The following GRIP1 variants were observed in gnomAD, a reference collection of about 807,000 sequenced individuals.
GRIP1 encodes the protein glutamate receptor-interacting protein 1.
A neutral mutation model predicts 129.9 loss-of-function variants in GRIP1; 45 were observed. The ratio of observed to expected loss-of-function variants is 0.35; its 90% CI spans 0.27 to 0.44. The LOEUF (loss-of-function observed/expected upper bound fraction) is 0.44. GRIP1 is among the 20% of genes least tolerant of loss of function. The pLI, the probability that GRIP1 is intolerant of heterozygous loss-of-function variation, is 1.00. For missense variants in GRIP1, 1,196 were observed against 1,396.8 expected (o/e 0.86, Z 2.29); for synonymous variants, 530 against 520.8 (o/e 1.02, Z -0.24).
intron 2 of GRIP1, among the ~76,000 whole-genome samples, chr12:66,569,622 C>T (rs1371430269): frequency 6.6e-6 from 1 of 152,188 alleles, no homozygotes; most frequent in Non-Finnish European, 1.5e-5. Context: ...CACCAGGGAC[C>T]ATGGGACTCA....
At chr12:66,584,152 G>T (rs971484355) in intron 2 of GRIP1, among the ~76,000 whole-genome samples, 18 of 149,268 alleles carry the variant, frequency 1.2e-4, no homozygotes, top group Admixed American at 6.8e-4. Flanking sequence ...GTAAACTATC[G>T]CAAGAACAAA....
chr12:66,585,117 T>C (rs1044778571), intron 2 of GRIP1, among the ~76,000 whole-genome samples: 1 of 151,456 alleles, frequency 6.6e-6, no homozygotes, highest in East Asian at 1.9e-4. Flanking sequence ...TTTTTTTTAT[T>C]ATACTTTAAG....
At chr12:66,420,939 A>C in intron 14 of GRIP1, 150 bp from the exon 15 acceptor site, 1 of 605,046 alleles carries the variant, frequency 1.7e-6, no homozygotes, top group Admixed American at 2.9e-5. Flanking sequence ...TATGCACATT[A>C]TGTCTTTACA....
rs1345417312 is a variant in GRIP1, at chr12:66,902,410, G to A, written c.58+166640C>T. Among the ~76,000 whole-genome samples the A allele has an allele frequency of 4.6e-5, 7 of 152,092 alleles. No individual in the cohort carries two copies. The East Asian group carries it at 1.3e-3, about 29-fold the overall frequency. ...ACCTCCAAGAAATAGCTGGCCTGAG[G>A]GATGGTTTCAGGCAAAGATTCTGGG... On this transcript the variant is annotated intron_variant, in intron 1 of 1. Transcript: ENST00000643019.
At chr12:66,956,303 G>A (rs1304027279) in intron 1 of GRIP1, among the ~76,000 whole-genome samples, 1 of 152,096 alleles carries the variant, frequency 6.6e-6, no homozygotes, top group Non-Finnish European at 1.5e-5. Context: ...TGGGGTTTTC[G>A]CTGTTGCTAT....
chr12:67,002,291 C>G (rs987965033), intron 1 of GRIP1, among the ~76,000 whole-genome samples: 3 of 152,150 alleles, frequency 2.0e-5, no homozygotes, highest in Non-Finnish European at 2.9e-5. Context: ...TGAAGACAAC[C>G]TGAAGCAACA....
intron 2 of GRIP1, among the ~76,000 whole-genome samples, chr12:66,589,946 A>G (rs2063791978): frequency 6.6e-6 from 1 of 152,130 alleles, no homozygotes; most frequent in Non-Finnish European, 1.5e-5. Flanking sequence ...TTCTGAAGTC[A>G]CCTACAACCC....
intron 2 of GRIP1, among the ~76,000 whole-genome samples, chr12:66,591,795 G>C (rs1018938239): frequency 1.3e-5 from 2 of 151,726 alleles, no homozygotes; most frequent in Non-Finnish European, 2.9e-5. Context: ...ATCCCCAGCT[G>C]ATTTTTGCAT....
At chr12:66,770,913 G>C (rs2037797679) in intron 1 of GRIP1, among the ~76,000 whole-genome samples, 1 of 152,052 alleles carries the variant, frequency 6.6e-6, no homozygotes, top group African/African-American at 2.4e-5. Context: ...GGCCAACATG[G>C]TGAAACTCCA....
chr12:66,816,993 A>G (rs1014402654), intron 1 of GRIP1, among the ~76,000 whole-genome samples: 4 of 152,128 alleles, frequency 2.6e-5, no homozygotes, highest in Admixed American at 6.6e-5. Flanking sequence ...AGTATTCGCA[A>G]AAGACGATTC....
chr12:66,697,212 T>A (rs1459741680), intron 1 of GRIP1, among the ~76,000 whole-genome samples: 2 of 152,194 alleles, frequency 1.3e-5, no homozygotes, highest in Non-Finnish European at 2.9e-5. Context: ...AGACCAATTT[T>A]CCTTCTCTCC....
At chr12:66,768,776 C>T (rs1294329061) in intron 1 of GRIP1, among the ~76,000 whole-genome samples, 1 of 152,164 alleles carries the variant, frequency 6.6e-6, no homozygotes, top group African/African-American at 2.4e-5. Context: ...TAGTTTTTCA[C>T]ATAACAGGGT....
At chr12:66,886,818 G>A (rs1592930065) in intron 1 of GRIP1, among the ~76,000 whole-genome samples, 1 of 152,118 alleles carries the variant, frequency 6.6e-6, no homozygotes, top group African/African-American at 2.4e-5. Flanking sequence ...CAACAATACC[G>A]TGAAGAAGTG....
At chr12:66,718,059 T>C (rs2035947060) in intron 1 of GRIP1, among the ~76,000 whole-genome samples, 1 of 152,120 alleles carries the variant, frequency 6.6e-6, no homozygotes, top group Non-Finnish European at 1.5e-5. Flanking sequence ...CATTATACTT[T>C]GGAGATTGCC....
intron 1 of GRIP1, among the ~76,000 whole-genome samples, chr12:66,837,874 G>A (rs963769747): frequency 1.3e-5 from 2 of 152,078 alleles, no homozygotes; most frequent in Non-Finnish European, 1.5e-5. Context: ...GATTTTACTT[G>A]GGCTATTTCA....
At chr12:66,717,745 G>C (rs1323034508) in intron 1 of GRIP1, among the ~76,000 whole-genome samples, 3 of 152,106 alleles carry the variant, frequency 2.0e-5, no homozygotes, top group African/African-American at 7.2e-5. Flanking sequence ...AAATGAGATT[G>C]CACTTCAATT....
At position 66,348,514 on chromosome 12, in the gene GRIP1, T is replaced by C. The variant is rs2054079612; in HGVS notation, c.*505A>G. On this transcript the variant is annotated 3_prime_UTR_variant, in exon 25 of 25. Coordinates refer to ENST00000359742, the MANE Select transcript of GRIP1 (RefSeq NM_001366722.1). ...TTAAGATAACTTAATTTTATACCTG[T>C]ACCCCTCCCATTGTGGTAGTCCCAG... is the stretch of plus-strand genomic sequence containing the variant. The C allele has an allele frequency of 5.9e-6, 1 of 170,146 alleles. No homozygotes were observed. Among genetic ancestry groups the C allele is most frequent in the African/African-American group, 2.4e-5 (1 of 41,608 alleles). The allele number at this position is 170,146 out of a possible 1,614,324, so 10.5% of individuals were successfully genotyped here.
rs1397331057 is a variant in GRIP1 at position 66,513,116 on chromosome 12, T to C, written c.724+2503A>G. Among the ~76,000 whole-genome samples the C allele has an allele frequency of 2.6e-5, 4 of 152,248 alleles. No individual in the cohort carries two copies. In the East Asian group the frequency reaches 7.7e-4, roughly 29 times the overall value. ...AGTTGAACATTTCTTCACTGATGTT[T>C]GACTATACCTCTGGTTCCATATGGA... On this transcript the variant is annotated intron_variant, in intron 7 of 24. Transcript: ENST00000359742.
chr12:66,885,324 A>G (rs2040547597), intron 1 of GRIP1, among the ~76,000 whole-genome samples: 1 of 152,210 alleles, frequency 6.6e-6, no homozygotes, highest in Non-Finnish European at 1.5e-5. Context: ...TGGCACCTGC[A>G]GAGCAGGGAG....
Sources: allele counts gnomAD v4.1 joint callset (sites outside exome capture counted in the v4.1 genomes callset), GRCh38; gene constraint gnomAD v4.1.1; transcripts MANE v1.5; gene names NCBI Gene and HGNC (gene_info 2026-07-23, HGNC 2026-07-21).